Variants in ANO2 observed in about 807,000 individuals in gnomAD.
ANO2 encodes the protein anoctamin 2, also known as anoctamin-2.
ANO2 carries 101 observed loss-of-function variants against 124.2 expected under a neutral mutation model. That is an observed-to-expected ratio of 0.81 (90% CI 0.69 to 0.96). The LOEUF is 0.96. Ranked by LOEUF, ANO2 falls within the 40% of genes least tolerant of loss-of-function variation. The pLI is 0.00. For missense variants in ANO2, 1,293 were observed against 1,274.5 expected, an observed-to-expected ratio of 1.01 and a Z score of -0.22; for synonymous variants, 486 against 482.5, an observed-to-expected ratio of 1.01 and a Z score of -0.09.
intron 19 of ANO2, among the ~76,000 whole-genome samples, chr12:5,604,265 G>T (rs1944101145): frequency 6.6e-6 from 1 of 152,170 alleles, no homozygotes; most frequent in Admixed American, 6.5e-5. Flanking sequence ...CAACGTAAGA[G>T]GCAGTTTTGA....
rs539053607 is a variant in ANO2, at chr12:5,834,917, G to T, written c.634-2314C>A. ...TACTTCACATATTCCTCTATAATTT[G>T]CTTTTTTTTCATTTAGCATCATATC... On this transcript the variant is annotated intron_variant, in intron 4 of 24. Transcript: ENST00000682330. 3.3e-3 allele frequency among the ~76,000 whole-genome samples: 500 copies of T among 152,134 alleles called. 6 individuals are homozygous for T. The highest frequency in any genetic ancestry group is 0.011 in the African/African-American group (461 of 41,522).
At chr12:5,863,785 G>A (rs572123488) in intron 3 of ANO2, among the ~76,000 whole-genome samples, 2 of 152,100 alleles carry the variant, frequency 1.3e-5, no homozygotes, top group East Asian at 1.9e-4. Context: ...AACACTTCTT[G>A]TAACTTTTTT....
At chr12:5,588,160 G>C (rs910595929) in intron 20 of ANO2, among the ~76,000 whole-genome samples, 1 of 151,912 alleles carries the variant, frequency 6.6e-6, no homozygotes, top group African/African-American at 2.4e-5. Context: ...CAAGACATGG[G>C]CCCTTCTGGA....
At chr12:5,903,647 A>ATGTGTGTGCG (rs1940466462) in intron 3 of ANO2, among the ~76,000 whole-genome samples, 1 of 148,452 alleles carries the variant, frequency 6.7e-6, no homozygotes, top group Non-Finnish European at 1.5e-5. Context: ...ATGTGCAAAG[A>ATGTGTGTGCG]TGTGTGTGTG....
chr12:5,687,141 T>C (rs565499351), intron 14 of ANO2, among the ~76,000 whole-genome samples: 8 of 152,326 alleles, frequency 5.3e-5, no homozygotes, highest in African/African-American at 1.9e-4. Context: ...TGAGGAACAG[T>C]GTTTTAACCA....
chr12:5,624,279 A>T (rs537988282), intron 16 of ANO2, among the ~76,000 whole-genome samples: 2 of 152,282 alleles, frequency 1.3e-5, no homozygotes, highest in East Asian at 3.9e-4. Context: ...AGACAGACAG[A>T]CAGAGAGACA....
At chr12:5,724,238 T>C (rs1174700098) in intron 14 of ANO2, among the ~76,000 whole-genome samples, 2 of 152,174 alleles carry the variant, frequency 1.3e-5, no homozygotes, top group Non-Finnish European at 2.9e-5. Context: ...TGTGCCTCAG[T>C]GTTTCCCTTT....
chr12:5,821,301 C>T (rs116309447), intron 7 of ANO2, among the ~76,000 whole-genome samples: 4,499 of 152,298 alleles, frequency 0.03, 128 homozygotes, highest in African/African-American at 0.064. Context: ...TCAGCTGCTG[C>T]ATTTAGCCCC....
intron 7 of ANO2, among the ~76,000 whole-genome samples, chr12:5,815,279 T>C (rs2058467): frequency 0.97 from 148,216 of 152,294 alleles, 72,203 homozygotes; most frequent in Non-Finnish European, 1. Flanking sequence ...CACTGCAAAG[T>C]GAAACTGAGA....
At chr12:5,670,759 C>T (rs983724577) in intron 14 of ANO2, among the ~76,000 whole-genome samples, 1 of 152,058 alleles carries the variant, frequency 6.6e-6, no homozygotes, top group Non-Finnish European at 1.5e-5. Context: ...ACGTTGATCT[C>T]GAACTCCTGG....
chr12:5,864,491 A>T (rs1173996929), intron 3 of ANO2, among the ~76,000 whole-genome samples: 1 of 152,184 alleles, frequency 6.6e-6, no homozygotes, highest in Admixed American at 6.5e-5. Context: ...TCACAGTGAA[A>T]TTGTTCTGGA....
intron 14 of ANO2, among the ~76,000 whole-genome samples, chr12:5,716,243 C>T (rs1950020328): frequency 6.6e-6 from 1 of 152,154 alleles, no homozygotes; most frequent in Admixed American, 6.5e-5. Flanking sequence ...TGATAAACTC[C>T]TTGAAGGAGG....
In ANO2 at chr12:5,769,888, G is replaced by C. The variant is rs1329923195; in HGVS notation, c.1056-18918C>G. On this transcript the variant is annotated intron_variant, in intron 10 of 24. Transcript: ENST00000682330. The surrounding 1 kb of genome is among the most constrained non-coding windows in gnomAD (Gnocchi z 4.0). ...CCCACCTAAGGGCAGAAAGCGTGGA[G>C]AGCAGTGTGGTCTATGTTTGAGCCT... 6.6e-6 allele frequency among the ~76,000 whole-genome samples: 1 copy of C among 152,214 alleles called. No homozygotes were observed. The highest frequency in any genetic ancestry group is 2.4e-5 in the African/African-American group (1 of 41,440).
intron 19 of ANO2, among the ~76,000 whole-genome samples, chr12:5,601,869 T>C (rs1943957329): frequency 6.6e-6 from 1 of 152,228 alleles, no homozygotes; most frequent in African/African-American, 2.4e-5. Context: ...AGCAAAGCTG[T>C]GTGACTGGTA....
chr12:5,741,601 G>C (rs1194592749), intron 12 of ANO2, among the ~76,000 whole-genome samples: 1 of 152,178 alleles, frequency 6.6e-6, no homozygotes, highest in Non-Finnish European at 1.5e-5. Context: ...GGAATGATGA[G>C]AGGGGCAAAA....
intron 4 of ANO2, among the ~76,000 whole-genome samples, chr12:5,841,186 A>G (rs1413827129): frequency 2.0e-5 from 3 of 152,196 alleles, no homozygotes; most frequent in African/African-American, 7.2e-5. Context: ...CACGCATGCA[A>G]GAGAGCATTA....
At chr12:5,716,561 C>T (rs927130169) in intron 14 of ANO2, among the ~76,000 whole-genome samples, 2 of 152,130 alleles carry the variant, frequency 1.3e-5, no homozygotes, top group African/African-American at 4.8e-5. Flanking sequence ...CTGAGAAGTG[C>T]AAGTATTCAG....
chr12:5,810,781 C>T (rs751263693), intron 7 of ANO2, among the ~76,000 whole-genome samples: 8 of 152,178 alleles, frequency 5.3e-5, no homozygotes, highest in Non-Finnish European at 8.8e-5. Context: ...AACTAAAAAC[C>T]TCCAAAGGAA....
intron 16 of ANO2, among the ~76,000 whole-genome samples, chr12:5,630,582 T>C (rs1242298714): frequency 6.6e-6 from 1 of 152,254 alleles, no homozygotes; most frequent in Admixed American, 6.5e-5. Context: ...AATACATAAA[T>C]GCTCACTGTA....
Sources: allele counts gnomAD v4.1 joint callset (sites outside exome capture counted in the v4.1 genomes callset), GRCh38; gene constraint gnomAD v4.1.1; non-coding constraint Gnocchi (gnomAD v3.1); transcripts MANE v1.5; gene names NCBI Gene and HGNC (gene_info 2026-07-23, HGNC 2026-07-21).